Variants in CSTPP1 observed in about 807,000 individuals in gnomAD.
CSTPP1 encodes the protein UPF0705 protein C11orf49.
At chr11:47,128,295 C>T in the CSTPP1 span, among the ~76,000 whole-genome samples, 9 of 152,278 alleles carry the variant, frequency 5.9e-5, no homozygotes, top group East Asian at 3.9e-4. Context: ...CTCGACTTCT[C>T]GTCTGGGTGA....
At chr11:47,157,090 T>C in the CSTPP1 span, 2 of 1,614,150 alleles carry the variant, frequency 1.2e-6, no homozygotes, top group Non-Finnish European at 1.7e-6. Context: ...ACACAGTGAT[T>C]GTGCCGACGT....
the CSTPP1 span, among the ~76,000 whole-genome samples, chr11:46,951,178 T>A: frequency 6.6e-6 from 1 of 152,192 alleles, no homozygotes; most frequent in African/African-American, 2.4e-5. Flanking sequence ...AGCCACTTTC[T>A]TTCAGGTTTT....
the CSTPP1 span, among the ~76,000 whole-genome samples, chr11:47,153,120 TC>T: frequency 6.6e-6 from 1 of 152,128 alleles, no homozygotes. Flanking sequence ...GTCTCCCTGC[TC>T]CCTCAATCCA....
chr11:47,158,265 A>C, the CSTPP1 span, among the ~76,000 whole-genome samples: 1 of 152,166 alleles, frequency 6.6e-6, no homozygotes, highest in South Asian at 2.1e-4. Context: ...GTGACGCTAG[A>C]GATTATATAT....
the CSTPP1 span, among the ~76,000 whole-genome samples, chr11:47,004,870 A>G: frequency 6.6e-6 from 1 of 152,194 alleles, no homozygotes; most frequent in Admixed American, 6.5e-5. Context: ...CTGTTTATCT[A>G]TGCTTGCAGA....
chr11:46,977,764 AAGT>A, the CSTPP1 span, among the ~76,000 whole-genome samples: 1 of 152,218 alleles, frequency 6.6e-6, no homozygotes, highest in African/African-American at 2.4e-5. Flanking sequence ...TTGAAATGAC[AAGT>A]AGCCCCCAAA....
chr11:47,141,527 A>C, the CSTPP1 span, among the ~76,000 whole-genome samples: 2 of 151,902 alleles, frequency 1.3e-5, no homozygotes, highest in Non-Finnish European at 2.9e-5. Flanking sequence ...GAATTGCTTG[A>C]GCCTGGGGGG....
the CSTPP1 span, among the ~76,000 whole-genome samples, chr11:46,973,244 T>A: frequency 6.6e-6 from 1 of 152,176 alleles, no homozygotes; most frequent in Non-Finnish European, 1.5e-5. Context: ...TAGCATGCGC[T>A]AACCTAGGTC....
At chr11:47,089,954 AGGACAAATAAATGGC>A in the CSTPP1 span, among the ~76,000 whole-genome samples, 1 of 152,234 alleles carries the variant, frequency 6.6e-6, no homozygotes, top group South Asian at 2.1e-4. Context: ...TACTGTGTAG[AGGACAAATAAATGGC>A]TTTATACGTC....
the CSTPP1 span, among the ~76,000 whole-genome samples, chr11:46,998,130 C>G: frequency 6.6e-6 from 1 of 152,208 alleles, no homozygotes; most frequent in African/African-American, 2.4e-5. Context: ...GCGTCGCTCA[C>G]GCTGGGAGCT....
the CSTPP1 span, among the ~76,000 whole-genome samples, chr11:46,937,863 G>T: frequency 1.3e-5 from 2 of 151,662 alleles, no homozygotes; most frequent in African/African-American, 4.8e-5. Flanking sequence ...ATAATTCATA[G>T]ACTTTTATTT....
At chr11:47,003,960 C>G in the CSTPP1 span, among the ~76,000 whole-genome samples, 64 of 152,192 alleles carry the variant, frequency 4.2e-4, 1 homozygote, top group Admixed American at 3.7e-3. Flanking sequence ...CATGAAATTA[C>G]ACATGCAAGA....
the CSTPP1 span, among the ~76,000 whole-genome samples, chr11:47,033,606 T>C: frequency 2.6e-5 from 4 of 152,230 alleles, no homozygotes; most frequent in African/African-American, 9.7e-5. Flanking sequence ...ATCTCCTTGA[T>C]TGGCTCTGTC....
At chr11:47,047,094 T>C in the CSTPP1 span, among the ~76,000 whole-genome samples, 1 of 152,052 alleles carries the variant, frequency 6.6e-6, no homozygotes, top group Non-Finnish European at 1.5e-5. Flanking sequence ...AGATACAGGG[T>C]TTCACCATGT....
the CSTPP1 span, among the ~76,000 whole-genome samples, chr11:47,005,318 A>G: frequency 1.3e-5 from 2 of 152,188 alleles, no homozygotes; most frequent in Non-Finnish European, 2.9e-5. Flanking sequence ...TTACAAAAAT[A>G]TTAAGTATTG....
At chr11:47,120,866 A>G in the CSTPP1 span, among the ~76,000 whole-genome samples, 1 of 152,240 alleles carries the variant, frequency 6.6e-6, no homozygotes, top group African/African-American at 2.4e-5. The surrounding 1 kb of genome is among the most constrained non-coding windows in gnomAD (Gnocchi z 4.2). Flanking sequence ...TGATCAATAA[A>G]TGGTTTAGAG....
chr11:47,065,315 A>AT, the CSTPP1 span, among the ~76,000 whole-genome samples: 12,255 of 148,552 alleles, frequency 0.082, 496 homozygotes, highest in Non-Finnish European at 0.091. Flanking sequence ...TCTTTCAGCA[A>AT]TTTTTTTTTT....
chr11:47,154,514 G>A, the CSTPP1 span: 6 of 152,712 alleles, frequency 3.9e-5, no homozygotes, highest in Middle Eastern at 3.4e-3. Context: ...AAAACCGTTG[G>A]GTGGGCAACC....
chr11:46,941,560 G>A, the CSTPP1 span, among the ~76,000 whole-genome samples: 2 of 151,964 alleles, frequency 1.3e-5, no homozygotes, highest in Non-Finnish European at 2.9e-5. Flanking sequence ...GGCTGGTCTC[G>A]AACTCCTGAC....
Sources: allele counts gnomAD v4.1 joint callset (sites outside exome capture counted in the v4.1 genomes callset), GRCh38; gene constraint gnomAD v4.1.1; non-coding constraint Gnocchi (gnomAD v3.1); transcripts MANE v1.5; gene names NCBI Gene and HGNC (gene_info 2026-07-23, HGNC 2026-07-21).